UBXN2A: variants seen among roughly 807,000 people sequenced by gnomAD.
UBXN2A encodes UBX domain protein 2A, also known as UBX domain-containing protein 2A.
UBXN2A carries 28 observed loss-of-function variants against 28.4 expected under a neutral mutation model. The ratio of observed to expected loss-of-function variants is 0.99; its 90% CI spans 0.73 to 1.35. The LOEUF (loss-of-function observed/expected upper bound fraction) is 1.35. Ranked by LOEUF, UBXN2A falls within the 40% of genes most tolerant of loss-of-function variation. UBXN2A has a pLI of 0.00. For synonymous variants in UBXN2A, 97 were observed against 103.6 expected (o/e 0.94, Z 0.39); for missense variants, 253 against 297.9 (o/e 0.85, Z 1.11).
intron 3 of UBXN2A, among the ~76,000 whole-genome samples, chr2:23,972,582 G>A (rs1163706607): frequency 1.3e-5 from 2 of 152,128 alleles, no homozygotes; most frequent in African/African-American, 2.4e-5. Context: ...CCAGCACTTT[G>A]GGAGGCTGAG....
chr2:23,989,498 C>T (rs1708259581), intron 6 of UBXN2A, among the ~76,000 whole-genome samples: 1 of 151,816 alleles, frequency 6.6e-6, no homozygotes, highest in African/African-American at 2.4e-5. Flanking sequence ...AGCGATCCAC[C>T]TGCCTCGGCC....
chr2:23,966,569 C>T (rs1356021128), intron 2 of UBXN2A, among the ~76,000 whole-genome samples: 3 of 150,656 alleles, frequency 2.0e-5, no homozygotes, highest in Non-Finnish European at 4.4e-5. Flanking sequence ...TCTTCTGCCT[C>T]AGCCTCCCGA....
intron 1 of UBXN2A, among the ~76,000 whole-genome samples, chr2:23,931,696 T>C (rs1459582710): frequency 1.3e-5 from 2 of 152,066 alleles, no homozygotes; most frequent in Non-Finnish European, 2.9e-5. Flanking sequence ...TCAACCCCAG[T>C]GAATTTGACC....
intron 1 of UBXN2A, among the ~76,000 whole-genome samples, chr2:23,934,307 C>G (rs1705461993): frequency 6.6e-6 from 1 of 152,174 alleles, no homozygotes; most frequent in Non-Finnish European, 1.5e-5. Flanking sequence ...ATTAAAAATT[C>G]ATTTCCTCAG....
At chr2:23,934,382 G>A (rs183699589) in intron 1 of UBXN2A, among the ~76,000 whole-genome samples, 1 of 152,354 alleles carries the variant, frequency 6.6e-6, no homozygotes, top group East Asian at 1.9e-4. Flanking sequence ...GTTGGACAAT[G>A]CAGAAACAGT....
At chr2:23,946,215 G>A (rs1035193275) in intron 1 of UBXN2A, among the ~76,000 whole-genome samples, 23 of 151,878 alleles carry the variant, frequency 1.5e-4, no homozygotes, top group African/African-American at 5.3e-4. Context: ...GTGCAGTAGT[G>A]CAATCTCAGT....
At chr2:23,990,504 G>A (rs1708312279) in intron 6 of UBXN2A, among the ~76,000 whole-genome samples, 1 of 144,820 alleles carries the variant, frequency 6.9e-6, no homozygotes, top group African/African-American at 2.5e-5. Context: ...TGGTGGCTCA[G>A]GCCTGAAATC....
chr2:23,962,411 G>A (rs1204348909), intron 2 of UBXN2A, among the ~76,000 whole-genome samples: 2 of 151,774 alleles, frequency 1.3e-5, no homozygotes, highest in Non-Finnish European at 2.9e-5. Flanking sequence ...TATGGAATGG[G>A]AAAAAAATAT....
chr2:23,985,448 C>G (rs142557059), intron 6 of UBXN2A, among the ~76,000 whole-genome samples: 1 of 152,042 alleles, frequency 6.6e-6, no homozygotes, highest in Admixed American at 6.6e-5. Context: ...GGGGTTTCAC[C>G]AGGAGTTTGG....
chr2:23,927,636 G>GC (rs1705103261), intron 1 of UBXN2A: 2 of 125,880 alleles, frequency 1.6e-5, no homozygotes, highest in South Asian at 5.9e-4. Context: ...GAAGAGAAGG[G>GC]GGGGGGGAAA....
At chr2:23,938,881 T>G (rs1705618894), upstream of UBXN2A, among the ~76,000 whole-genome samples, 1 of 152,136 alleles carries the variant, frequency 6.6e-6, no homozygotes, top group Non-Finnish European at 1.5e-5. Flanking sequence ...TCGGAAGAGC[T>G]CTCACAGAAT....
upstream of UBXN2A, among the ~76,000 whole-genome samples, chr2:23,936,097 A>G (rs1705517089): frequency 6.6e-6 from 1 of 152,146 alleles, no homozygotes; most frequent in Admixed American, 6.6e-5. Context: ...GCCACAATAA[A>G]ACAAAAATTT....
rs3210974 is a variant in UBXN2A at position 24,003,724 on chromosome 2, C to G, written c.*3857C>G. 9.4e-5 allele frequency: 4 copies of G among 42,330 alleles called. No individual in the cohort carries two copies. Among genetic ancestry groups the G allele is most frequent in the African/African-American group, 3.2e-4 (4 of 12,462 alleles). 2.6% of individuals were successfully genotyped at this position (42,330 alleles called of 1,614,324 possible). On this transcript the variant is annotated 3_prime_UTR_variant, in exon 7 of 7. Transcript: ENST00000309033. Reference sequence around the variant, plus strand: ...AGTGAAACAAAAATAATGTTCTTACCAAAAAAAAAAAAAAAAAAAAGAGGC... The same window carrying G: ...AGTGAAACAAAAATAATGTTCTTACGAAAAAAAAAAAAAAAAAAAAGAGGC...
At position 23,999,978 on chromosome 2, in the gene UBXN2A, A is replaced by G. The variant is rs1295050585; in HGVS notation, c.*111A>G. The G allele has an allele frequency of 4.1e-6, 4 of 985,328 alleles. No homozygotes were observed. The highest frequency in any genetic ancestry group is 1.5e-6 in the Non-Finnish European group (1 of 663,126). 61.0% of individuals were successfully genotyped at this position (985,328 alleles called of 1,614,324 possible). ...GACTCACTAGACTTTTGGTTCGAGT[A>G]CTATTGAACTCTCTCCTGATGAGAA... On this transcript the variant is annotated 3_prime_UTR_variant, in exon 7 of 7. Transcript: ENST00000309033.
At chr2:23,970,312 C>CTTT (rs1707360931) in intron 2 of UBXN2A, among the ~76,000 whole-genome samples, 1 of 152,146 alleles carries the variant, frequency 6.6e-6, no homozygotes, top group South Asian at 2.1e-4. Context: ...AGAACAAAAA[C>CTTT]ACCACACATT....
intron 1 of UBXN2A, among the ~76,000 whole-genome samples, chr2:23,935,400 C>A (rs74704838): frequency 0.12 from 18,242 of 151,430 alleles, 1,167 homozygotes; most frequent in Middle Eastern, 0.21. Context: ...ACAACAACAA[C>A]AAAAAAAACC....
intron 4 of UBXN2A, among the ~76,000 whole-genome samples, chr2:23,982,015 G>A (rs143151172): frequency 9.9e-4 from 150 of 152,108 alleles, no homozygotes; most frequent in African/African-American, 3.5e-3. Flanking sequence ...ACTGACGATA[G>A]CTGATAAGCT....
chr2:23,985,502 T>G (rs1297018262), intron 6 of UBXN2A, among the ~76,000 whole-genome samples: 1 of 152,152 alleles, frequency 6.6e-6, no homozygotes, highest in Non-Finnish European at 1.5e-5. Context: ...TCTGCCCGCT[T>G]TGGCCTCCCA....
chr2:23,989,531 G>A (rs1300424620), intron 6 of UBXN2A, among the ~76,000 whole-genome samples: 1 of 151,522 alleles, frequency 6.6e-6, no homozygotes, highest in Middle Eastern at 3.2e-3. Flanking sequence ...AGGATTACAG[G>A]CATGAGCCAC....
Sources: gnomAD v4.1 joint callset for allele counts (sites outside exome capture counted in the v4.1 genomes callset) on GRCh38, gnomAD v4.1.1 for gene constraint, MANE v1.5 for transcripts, NCBI Gene and HGNC (gene_info 2026-07-23, HGNC 2026-07-21) for gene names.